Variants in MAN1C1 observed in about 807,000 individuals in gnomAD.
The protein encoded by MAN1C1 is mannosidase alpha class 1C member 1, also known as mannosyl-oligosaccharide 1,2-alpha-mannosidase IC.
MAN1C1 carries 49 observed loss-of-function variants against 71.5 expected under a neutral mutation model. The ratio of observed to expected loss-of-function variants is 0.69; its 90% CI spans 0.54 to 0.87. The LOEUF is 0.87. Among genes scored for constraint, MAN1C1 ranks in the 40% least tolerant of loss-of-function variants. MAN1C1 has a pLI of 0.00. For missense variants in MAN1C1, 743 were observed against 835.0 expected, an observed-to-expected ratio of 0.89 and a Z score of 1.36; for synonymous variants, 352 against 343.7, an observed-to-expected ratio of 1.02 and a Z score of -0.27.
At position 25,764,012 on chromosome 1, in the gene MAN1C1, C is replaced by T. The variant is rs1291476807; in HGVS notation, c.1141+45C>T. ...TGCCCCTTATTCAGCGGGTTCCTGC[C>T]CAGGCTTCCTAGGAAGACCCTGCCA... On this transcript the variant is annotated intron_variant, in intron 7 of 11. Coordinates refer to ENST00000374332, the MANE Select transcript of MAN1C1 (RefSeq NM_020379.4). The surrounding 1 kb of genome is among the most constrained non-coding windows in gnomAD (Gnocchi z 4.4). 6.6e-7 allele frequency: 1 copy of T among 1,522,842 alleles called. No homozygotes were observed. The highest frequency in any genetic ancestry group is 1.1e-5 in the South Asian group (1 of 89,190). The allele number at this position is 1,522,842 out of a possible 1,614,324, so 94.3% of individuals were successfully genotyped here. A position where few individuals can be genotyped will look rare whatever the true frequency, so the allele number is the denominator to read the frequency against.
intron 1 of MAN1C1, among the ~76,000 whole-genome samples, chr1:25,647,402 G>A (rs2045630573): frequency 6.6e-6 from 1 of 152,098 alleles, no homozygotes; most frequent in Admixed American, 6.6e-5. Context: ...GCTCGCCCAG[G>A]GAAGACAGGT....
intron 2 of MAN1C1, among the ~76,000 whole-genome samples, chr1:25,737,965 G>A (rs150855848): frequency 4.5e-4 from 68 of 152,232 alleles, no homozygotes; most frequent in Non-Finnish European, 8.1e-4. Context: ...AACTTGCCAC[G>A]GCTGGGACCA....
intron 7 of MAN1C1, among the ~76,000 whole-genome samples, chr1:25,766,196 A>G (rs1386524760): frequency 2.0e-5 from 3 of 152,162 alleles, no homozygotes; most frequent in East Asian, 3.9e-4. Context: ...TCAGTCGCAT[A>G]TGGGAAATTG....
At chr1:25,691,532 A>C (rs1572153049) in intron 2 of MAN1C1, among the ~76,000 whole-genome samples, 1 of 152,352 alleles carries the variant, frequency 6.6e-6, no homozygotes, top group South Asian at 2.1e-4. Flanking sequence ...ATATTCATGC[A>C]CAGCACATAG....
At position 25,769,316 on chromosome 1, in the gene MAN1C1, C is replaced by CCCCCATACA. The variant is rs2047513874; in HGVS notation, c.1142-2338_1142-2330dup. Among the ~76,000 whole-genome samples, 1 of 151,708 alleles carries CCCCCATACA rather than the reference C, an allele frequency of 6.6e-6. No individual in the cohort carries two copies. Among genetic ancestry groups the CCCCCATACA allele is most frequent in the Admixed American group, 6.6e-5 (1 of 15,228 alleles). ...CCATACCCCTCAGCACACACACACGCCCCCATACACCTACATACACCACAC... is the reference window on the plus strand; with the variant it reads ...CCATACCCCTCAGCACACACACACGCCCCCATACACCCCATACACCTACATACACCACAC... On this transcript the variant is annotated intron_variant, in intron 7 of 11. Transcript: ENST00000374332. This position sits in a 1 kb window ranked among gnomAD's most constrained non-coding sequence, Gnocchi z 4.8.
intron 1 of MAN1C1, among the ~76,000 whole-genome samples, chr1:25,637,577 T>C (rs188042146): frequency 6.6e-6 from 1 of 152,270 alleles, no homozygotes; most frequent in African/African-American, 2.4e-5. Context: ...TCAGATAGGT[T>C]GATAGTGTTC....
intron 3 of MAN1C1, among the ~76,000 whole-genome samples, chr1:25,748,891 G>C (rs1046721689): frequency 6.6e-6 from 1 of 152,160 alleles, no homozygotes; most frequent in African/African-American, 2.4e-5. Context: ...CTCCAAGAAG[G>C]TGAAGTAGCC....
At chr1:25,761,540 C>T (rs1433717043) in intron 6 of MAN1C1, 2 of 151,858 alleles carry the variant, frequency 1.3e-5, no homozygotes, top group African/African-American at 2.4e-5. Context: ...GAACTTATTC[C>T]TCCTAACTGA....
rs191594931 is a variant in MAN1C1 at position 25,762,189 on chromosome 1, C to T, written c.1048-1685C>T. Among the ~76,000 whole-genome samples the T allele has an allele frequency of 1.8e-4, 25 of 140,692 alleles. 1 individual carries two copies. Among genetic ancestry groups the T allele is most frequent in the Admixed American group, 9.0e-4 (12 of 13,294 alleles). 92.3% of individuals were successfully genotyped at this position (140,692 alleles called of 152,430 possible). On this transcript the variant is annotated intron_variant, in intron 6 of 11. Transcript: ENST00000374332. ...TTGCCCAGGCTAAAGTGGAGTGGCACGATTATAGCTCACTCCAGCCTCAAT... is the reference window on the plus strand; with the variant it reads ...TTGCCCAGGCTAAAGTGGAGTGGCATGATTATAGCTCACTCCAGCCTCAAT...
chr1:25,670,632 T>A (rs891511005), intron 1 of MAN1C1, among the ~76,000 whole-genome samples: 1 of 152,082 alleles, frequency 6.6e-6, no homozygotes, highest in Non-Finnish European at 1.5e-5. Context: ...AGGTGCTGGG[T>A]CTATGTCGTG....
At position 25,775,093 on chromosome 1, in the gene MAN1C1, G is replaced by C. The variant is rs1350724608; in HGVS notation, c.1258-3012G>C. On this transcript the variant is annotated intron_variant, in intron 8 of 11. Coordinates refer to ENST00000374332, the MANE Select transcript of MAN1C1 (RefSeq NM_020379.4). This position sits in a 1 kb window ranked among gnomAD's most constrained non-coding sequence, Gnocchi z 5.1. Reference sequence around the variant, plus strand: ...GGCGGTCTGGAAGGTGCAGGTGCCAGGTCTGGTGCGCAGCATCCTGAGGTC... The same window carrying C: ...GGCGGTCTGGAAGGTGCAGGTGCCACGTCTGGTGCGCAGCATCCTGAGGTC... Among the ~76,000 whole-genome samples, 1 of 152,232 alleles carries C rather than the reference G, an allele frequency of 6.6e-6. No individual in the cohort carries two copies. Among genetic ancestry groups the C allele is most frequent in the Non-Finnish European group, 1.5e-5 (1 of 68,046 alleles).
At position 25,634,130 on chromosome 1, in the gene MAN1C1, G is replaced by A. The variant is rs2045423963; in HGVS notation, c.540+15793G>A. On this transcript the variant is annotated intron_variant, in intron 1 of 11. Coordinates refer to ENST00000374332, the MANE Select transcript of MAN1C1 (RefSeq NM_020379.4). The surrounding 1 kb of genome is among the most constrained non-coding windows in gnomAD (Gnocchi z 4.6). The stretch of plus-strand genomic sequence containing the variant: ...TATTATGTATATATATTTTTTGGTA[G>A]CTTTCTTAGGATCTGTTATGTATAC... Among the ~76,000 whole-genome samples, 2 of 152,058 alleles carry A rather than the reference G, an allele frequency of 1.3e-5. No individual in the cohort carries two copies. Among genetic ancestry groups the A allele is most frequent in the African/African-American group, 2.4e-5 (1 of 41,402 alleles).
intron 2 of MAN1C1, among the ~76,000 whole-genome samples, chr1:25,724,664 C>A (rs551761826): frequency 1.3e-5 from 2 of 152,140 alleles, no homozygotes; most frequent in Non-Finnish European, 2.9e-5. Flanking sequence ...GGAATTGGGA[C>A]CATTGGTGCA....
intron 2 of MAN1C1, among the ~76,000 whole-genome samples, chr1:25,698,207 T>C (rs2046392104): frequency 6.6e-6 from 1 of 152,196 alleles, no homozygotes; most frequent in East Asian, 1.9e-4. Context: ...TGTGACAGGC[T>C]TAAGGTTCTA....
intron 2 of MAN1C1, among the ~76,000 whole-genome samples, chr1:25,734,239 A>G (rs1028437501): frequency 6.6e-6 from 1 of 151,888 alleles, no homozygotes; most frequent in African/African-American, 2.4e-5. Flanking sequence ...AGCGATTCTC[A>G]TGCCACACCC....
At chr1:25,623,882 C>A (rs985322597) in intron 1 of MAN1C1, among the ~76,000 whole-genome samples, 3 of 152,134 alleles carry the variant, frequency 2.0e-5, no homozygotes, top group Non-Finnish European at 4.4e-5. Context: ...TTGCCTCAGG[C>A]GAGCTCATGG....
rs1234300834 is a variant in MAN1C1 at position 25,746,272 on chromosome 1, T to C, written c.638-396T>C. ...GTGAGCCGAGATCGCACCATTGCAC[T>C]CCAGACTGGGTGACAGAGTAAGACC... On this transcript the variant is annotated intron_variant, in intron 2 of 11. Transcript: ENST00000374332. The surrounding 1 kb of genome is among the most constrained non-coding windows in gnomAD (Gnocchi z 4.0). 6.6e-6 allele frequency among the ~76,000 whole-genome samples: 1 copy of C among 152,214 alleles called. No homozygotes were observed. The highest frequency in any genetic ancestry group is 2.4e-5 in the African/African-American group (1 of 41,456).
At chr1:25,677,362 G>A (rs950305012) in intron 1 of MAN1C1, among the ~76,000 whole-genome samples, 4 of 152,054 alleles carry the variant, frequency 2.6e-5, no homozygotes, top group South Asian at 2.1e-4. Context: ...GCTACAGGAA[G>A]GGAGGGGCTT....
rs2045107338 is a variant in MAN1C1 at position 25,616,996 on chromosome 1, C to T, written c.-802C>T. Among the ~76,000 whole-genome samples the T allele has an allele frequency of 6.6e-6, 1 of 151,622 alleles. No homozygotes were observed. Among genetic ancestry groups the T allele is most frequent in the Non-Finnish European group, 1.5e-5 (1 of 67,828 alleles). On this transcript the variant is annotated 5_prime_UTR_variant, in exon 1 of 12. Coordinates refer to ENST00000374332, the MANE Select transcript of MAN1C1 (RefSeq NM_020379.4). The surrounding 1 kb of genome is among the most constrained non-coding windows in gnomAD (Gnocchi z 5.6). Reference sequence around the variant, plus strand: ...GGAACAGGTGATCCCAGTGGGAGCCCCGCGCCCTGCCGAGTTCGAGGGGCG... The same window carrying T: ...GGAACAGGTGATCCCAGTGGGAGCCTCGCGCCCTGCCGAGTTCGAGGGGCG...
Sources: gnomAD v4.1 joint callset for allele counts (sites outside exome capture counted in the v4.1 genomes callset) on GRCh38, gnomAD v4.1.1 for gene constraint, Gnocchi (gnomAD v3.1) non-coding constraint, MANE v1.5 for transcripts, NCBI Gene and HGNC (gene_info 2026-07-23, HGNC 2026-07-21) for gene names.